Variants in SLC39A11 observed in about 807,000 individuals in gnomAD.
The protein encoded by SLC39A11 is zinc transporter ZIP11.
SLC39A11 carries 33 observed loss-of-function variants against 36.1 expected under a neutral mutation model. The observed-to-expected ratio is 0.91, with a 90% CI of 0.69 to 1.22. SLC39A11 has a LOEUF of 1.22. Among genes scored for constraint, SLC39A11 ranks in the 50% most tolerant of loss-of-function variants. The pLI is 0.00. For missense variants in SLC39A11, 432 were observed against 430.3 expected (o/e 1.00, Z -0.03); for synonymous variants, 166 against 170.3 (o/e 0.97, Z 0.20).
intron 4 of SLC39A11, among the ~76,000 whole-genome samples, chr17:73,010,924 T>G (rs940020336): frequency 2.0e-5 from 3 of 152,218 alleles, no homozygotes; most frequent in Admixed American, 6.5e-5. Flanking sequence ...AATGATCTCC[T>G]CTGATCTTCA....
intron 5 of SLC39A11, among the ~76,000 whole-genome samples, chr17:72,872,923 C>T (rs999139614): frequency 1.3e-5 from 2 of 151,732 alleles, no homozygotes; most frequent in East Asian, 1.9e-4. Context: ...GGCGTGGTGG[C>T]GGGCACCTGT....
chr17:72,987,996 A>T (rs56306705), intron 4 of SLC39A11, among the ~76,000 whole-genome samples: 67,033 of 151,832 alleles, frequency 0.44, 15,363 homozygotes, highest in East Asian at 0.76. Context: ...TCTCTTTTTT[A>T]TTATTTTTGT....
intron 7 of SLC39A11, among the ~76,000 whole-genome samples, chr17:72,731,664 G>A (rs1270058595): frequency 6.6e-6 from 1 of 151,956 alleles, no homozygotes; most frequent in Non-Finnish European, 1.5e-5. Flanking sequence ...ATCTCACTTT[G>A]GATGGAACAT....
intron 5 of SLC39A11, among the ~76,000 whole-genome samples, chr17:72,916,127 A>G (rs747896497): frequency 6.6e-6 from 1 of 152,224 alleles, no homozygotes; most frequent in African/African-American, 2.4e-5. Context: ...TGAGCACTCC[A>G]TTAATCTCAG....
rs35888661 is a variant in SLC39A11 at position 72,919,669 on chromosome 17, C to CAAAAAAA, written c.430+28076_430+28082dup. The stretch of plus-strand genomic sequence containing the variant: ...ACTGGGCGACAGAGGGAGAGTCCGT[C>CAAAAAAA]AAAAAAAAAAAAAAAAGAAAAAAAG... On this transcript the variant is annotated intron_variant, in intron 5 of 9. Coordinates refer to ENST00000255559, the MANE Select transcript of SLC39A11 (RefSeq NM_139177.4). 2.7e-3 allele frequency among the ~76,000 whole-genome samples: 186 copies of CAAAAAAA among 68,998 alleles called. 8 individuals are homozygous for CAAAAAAA. Among genetic ancestry groups the CAAAAAAA allele is most frequent in the African/African-American group, 0.012 (172 of 14,524 alleles). The allele number at this position is 68,998 out of a possible 152,430, so 45.3% of individuals were successfully genotyped here.
At chr17:72,856,977 T>C (rs2079676274) in intron 5 of SLC39A11, among the ~76,000 whole-genome samples, 3 of 152,164 alleles carry the variant, frequency 2.0e-5, no homozygotes, top group Admixed American at 1.3e-4. Context: ...CACCACATTC[T>C]TTTTTAAAAA....
chr17:72,919,473 T>C (rs901489400), intron 5 of SLC39A11, among the ~76,000 whole-genome samples: 6 of 151,384 alleles, frequency 4.0e-5, no homozygotes, highest in South Asian at 2.1e-4. Context: ...AGCTGAGAAA[T>C]TGATCTGCTT....
chr17:73,006,898 G>GCCT (rs1288337332), intron 4 of SLC39A11, among the ~76,000 whole-genome samples: 1 of 152,072 alleles, frequency 6.6e-6, no homozygotes, highest in Non-Finnish European at 1.5e-5. Flanking sequence ...ACTGTTCTAA[G>GCCT]CCTCGAGGAT....
intron 3 of SLC39A11, among the ~76,000 whole-genome samples, chr17:73,057,836 C>T (rs2059717470): frequency 6.6e-6 from 1 of 152,162 alleles, no homozygotes; most frequent in South Asian, 2.1e-4. Context: ...ACTTGGGAGG[C>T]TGACGCACAA....
chr17:72,733,435 G>A (rs78694545), intron 7 of SLC39A11, among the ~76,000 whole-genome samples: 5,979 of 152,162 alleles, frequency 0.039, 313 homozygotes, highest in African/African-American at 0.12. Context: ...ACTAAAGAAC[G>A]GGTGCATGAA....
chr17:73,045,752 A>C (rs535130714), intron 3 of SLC39A11, among the ~76,000 whole-genome samples: 2 of 152,320 alleles, frequency 1.3e-5, no homozygotes, highest in Admixed American at 1.3e-4. Flanking sequence ...AGTTTGCCAA[A>C]ATTGTTAACT....
chr17:72,775,520 G>A (rs2076102126), intron 6 of SLC39A11, among the ~76,000 whole-genome samples: 1 of 152,180 alleles, frequency 6.6e-6, no homozygotes, highest in African/African-American at 2.4e-5. Context: ...CTAACAAATG[G>A]TGCAACTCAG....
chr17:72,657,316 C>T (rs377152130), intron 7 of SLC39A11, among the ~76,000 whole-genome samples: 14 of 152,220 alleles, frequency 9.2e-5, no homozygotes, highest in South Asian at 6.2e-4. Context: ...GCCGAGATAG[C>T]GCCACCGCAC....
At chr17:72,868,817 A>C (rs2080454960) in intron 5 of SLC39A11, among the ~76,000 whole-genome samples, 1 of 151,974 alleles carries the variant, frequency 6.6e-6, no homozygotes, top group South Asian at 2.1e-4. Flanking sequence ...CAAAAACAAA[A>C]AAAAAATCTT....
intron 7 of SLC39A11, among the ~76,000 whole-genome samples, chr17:72,676,764 AC>A (rs1227863735): frequency 2.0e-5 from 3 of 152,202 alleles, no homozygotes; most frequent in Middle Eastern, 3.4e-3. Flanking sequence ...GGAAGTCTAG[AC>A]TTTTGGTATA....
At chr17:72,847,914 G>T (rs2079124235) in intron 6 of SLC39A11, among the ~76,000 whole-genome samples, 1 of 152,168 alleles carries the variant, frequency 6.6e-6, no homozygotes, top group South Asian at 2.1e-4. Flanking sequence ...TTGGCACCAT[G>T]AACTCTGCAA....
intron 5 of SLC39A11, among the ~76,000 whole-genome samples, chr17:72,859,198 AAAC>A (rs1209919627): frequency 6.6e-6 from 1 of 152,240 alleles, no homozygotes; most frequent in African/African-American, 2.4e-5. Flanking sequence ...GAATTCTTGT[AAAC>A]AACACAGGAG....
chr17:73,010,166 C>T (rs982255889), intron 4 of SLC39A11, among the ~76,000 whole-genome samples: 1 of 152,048 alleles, frequency 6.6e-6, no homozygotes, highest in Non-Finnish European at 1.5e-5. Flanking sequence ...CTGGGCCTCA[C>T]CCCAAGAGCT....
rs376989975 is a variant in SLC39A11, at chr17:73,060,691, T to C, written c.147+24117A>G. Among the ~76,000 whole-genome samples, 6 of 152,314 alleles carry C rather than the reference T, an allele frequency of 3.9e-5. No individual in the cohort carries two copies. In the East Asian group the frequency reaches 7.7e-4, roughly 20 times the overall value. ...ATTAGGCTTATTTAGTATACTAAAT[T>C]ATATGGGAAGTACTGTCAAATAATA... On this transcript the variant is annotated intron_variant, in intron 3 of 9. Coordinates refer to ENST00000255559, the MANE Select transcript of SLC39A11 (RefSeq NM_139177.4).
Sources: allele counts gnomAD v4.1 joint callset (sites outside exome capture counted in the v4.1 genomes callset), GRCh38; gene constraint gnomAD v4.1.1; transcripts MANE v1.5; gene names NCBI Gene and HGNC (gene_info 2026-07-23, HGNC 2026-07-21).